Variants in TMEM252 observed in about 807,000 individuals in gnomAD.
TMEM252 encodes transmembrane protein 252.
A neutral mutation model predicts 6.4 loss-of-function variants in TMEM252; 4 were observed. That is an observed-to-expected ratio of 0.62 (90% confidence interval 0.31 to 1.43). The LOEUF (loss-of-function observed/expected upper bound fraction) is 1.43. TMEM252 is among the 40% of genes most tolerant of loss of function. TMEM252 has a pLI of 0.07. For missense variants in TMEM252, 207 were observed against 209.4 expected (o/e 0.99, Z 0.07); for synonymous variants, 85 against 82.5 (o/e 1.03, Z -0.17).
rs772564259 is a variant in TMEM252 at position 68,537,362 on chromosome 9, T to G, written c.410A>C (p.Asn137Thr). 1 of 1,607,948 alleles carries G rather than the reference T, an allele frequency of 6.2e-7. No individual in the cohort carries two copies. The highest frequency in any genetic ancestry group is 1.1e-5 in the South Asian group (1 of 90,084). Reference sequence around the variant, plus strand: ...TGGTGGGGCCTCTGGGTGGGAGTCATTTCCATCCTGGAATTCCAGGCCCGT... The same window carrying G: ...TGGTGGGGCCTCTGGGTGGGAGTCAGTTCCATCCTGGAATTCCAGGCCCGT... ...TETGLEFQDG[N>T]DSHPEAPPSY... is the part of the protein sequence containing the mutation. The change falls in exon 2 of 2, where the codon AAT (asparagine) becomes ACT (threonine). Residue 137 changes from asparagine to threonine, a missense_variant. By Grantham distance (65) the Asn-to-Thr change is moderately conservative. Transcript: ENST00000377311.
chr9:68,540,451 T>C, intron 1 of TMEM252, 86 bp downstream of exon 1: 1 of 1,564,114 alleles, frequency 6.4e-7, no homozygotes, highest in African/African-American at 1.4e-5. Flanking sequence ...TGTAAGTCGC[T>C]CCATAGTAGG....
intron 1 of TMEM252, among the ~76,000 whole-genome samples, chr9:68,538,768 G>A (rs894944319): frequency 2.0e-5 from 3 of 152,206 alleles, no homozygotes; most frequent in African/African-American, 4.8e-5. Context: ...TACATGCAGC[G>A]AGAAGAGGCA....
At chr9:68,537,578 T>C in intron 1 of TMEM252, 85 bp from the exon 2 acceptor site, 3 of 1,049,302 alleles carry the variant, frequency 2.9e-6, no homozygotes, top group Non-Finnish European at 2.8e-6. Context: ...TCAGCTCAAA[T>C]TGTGCGAAGC....
intron 1 of TMEM252, 65 bp from the exon 2 acceptor site, chr9:68,537,558 G>A: frequency 1.6e-6 from 2 of 1,271,898 alleles, no homozygotes; most frequent in Non-Finnish European, 2.2e-6. Context: ...GAGGCAGACG[G>A]CTGCCTCTCT....
chr9:68,537,587 G>A lies in TMEM252; in HGVS notation c.279-94C>T, dbSNP rs571817512. On this transcript the variant is annotated intron_variant, in intron 1 of 1. Transcript: ENST00000377311. ...CCTCTCTCAGCTCAAATTGTGCGAA[G>A]CTAAACTGTTAAGAAACATGGATTT... 108 of 939,944 alleles carry A rather than the reference G, an allele frequency of 1.1e-4. No homozygotes were observed. In the African/African-American group the frequency reaches 1.5e-3, roughly 13 times the overall value. 58.2% of individuals were successfully genotyped at this position (939,944 alleles called of 1,614,324 possible). A position where few individuals can be genotyped will look rare whatever the true frequency, so the allele number is the denominator to read the frequency against.
rs1461511463 is a variant in TMEM252 at position 68,536,592 on chromosome 9, G to C, written c.*667C>G. On this transcript the variant is annotated 3_prime_UTR_variant, in exon 2 of 2. Coordinates refer to ENST00000377311, the MANE Select transcript of TMEM252 (RefSeq NM_153237.2). Reference sequence around the variant, plus strand: ...GTTTAAGGACCTCTTTTAAGAAACAGCTCATTTAATATTTTGTGTTTGAAC... The same window carrying C: ...GTTTAAGGACCTCTTTTAAGAAACACCTCATTTAATATTTTGTGTTTGAAC... The C allele has an allele frequency of 1.3e-5, 2 of 152,130 alleles. No individual in the cohort carries two copies. The highest frequency in any genetic ancestry group is 2.9e-5 in the Non-Finnish European group (2 of 68,008). 9.4% of individuals were successfully genotyped at this position (152,130 alleles called of 1,614,324 possible).
chr9:68,539,470 C>CT (rs1157326996), intron 1 of TMEM252, among the ~76,000 whole-genome samples: 4 of 152,222 alleles, frequency 2.6e-5, no homozygotes, highest in Non-Finnish European at 4.4e-5. Flanking sequence ...CCACCAGCCC[C>CT]TGGGACCACT....
At chr9:68,538,895 C>G (rs1825171876) in intron 1 of TMEM252, among the ~76,000 whole-genome samples, 1 of 152,162 alleles carries the variant, frequency 6.6e-6, no homozygotes, top group Admixed American at 6.5e-5. Context: ...TTACATTTAT[C>G]AGAAATTCAC....
intron 1 of TMEM252, among the ~76,000 whole-genome samples, chr9:68,539,563 A>C (rs1825179010): frequency 6.6e-6 from 1 of 152,194 alleles, no homozygotes; most frequent in Non-Finnish European, 1.5e-5. Flanking sequence ...TTTGTAACTG[A>C]CTTGTTTCAC....
chr9:68,540,461 G>C (rs1161287417), intron 1 of TMEM252, 76 bp downstream of exon 1: 1 of 1,582,562 alleles, frequency 6.3e-7, no homozygotes, highest in African/African-American at 1.3e-5. Context: ...TCCATAGTAG[G>C]ATCAGAAATT....
intron 1 of TMEM252, among the ~76,000 whole-genome samples, chr9:68,539,540 A>C (rs1037111450): frequency 6.6e-6 from 1 of 152,214 alleles, no homozygotes; most frequent in African/African-American, 2.4e-5. Context: ...GTGGAATTAT[A>C]CAATATTTGC....
chr9:68,537,440 C>A lies in TMEM252; in HGVS notation c.332G>T (p.Ser111Ile). Residue 111 changes from serine to isoleucine, a missense_variant, in exon 2 of 2, where the codon AGC (serine) becomes ATC (isoleucine). Ser to Ile is a moderately radical substitution (Grantham distance 142). Coordinates refer to ENST00000377311, the MANE Select transcript of TMEM252 (RefSeq NM_153237.2). ...AGAGGCCTCTCTCTCTGCAGGACAGCTCTGCTTTTCCACCTCAAGGCTCTC... is the reference window on the plus strand; with the variant it reads ...AGAGGCCTCTCTCTCTGCAGGACAGATCTGCTTTTCCACCTCAAGGCTCTC... The part of the protein sequence containing the change: ...YEESLEVEKQ[S>I]CPAEREASGI... 1 of 1,603,920 alleles carries A rather than the reference C, an allele frequency of 6.2e-7. No individual in the cohort carries two copies.
intron 1 of TMEM252, 70 bp from the exon 2 acceptor site, chr9:68,537,563 C>T: frequency 8.3e-7 from 1 of 1,209,684 alleles, no homozygotes; most frequent in Non-Finnish European, 1.2e-6. Context: ...AGACGGCTGC[C>T]TCTCTCAGCT....
chr9:68,540,446 G>A lies in TMEM252; in HGVS notation c.278+91C>T. On this transcript the variant is annotated intron_variant, in intron 1 of 1. Transcript: ENST00000377311. Reference sequence around the variant, plus strand: ...GACAGACAGCCCATGGGACATGTAAGTCGCTCCATAGTAGGATCAGAAATT... The same window carrying A: ...GACAGACAGCCCATGGGACATGTAAATCGCTCCATAGTAGGATCAGAAATT... 3.2e-6 allele frequency: 5 copies of A among 1,545,320 alleles called. No individual in the cohort carries two copies. In the South Asian group the frequency reaches 4.8e-5, roughly 15 times the overall value.
chr9:68,537,284 G>C lies in TMEM252; in HGVS notation c.488C>G (p.Ala163Gly). ...TCAGCACTCTTGGCCTCGCCTCTGG[G>C]CGTCCTCTGAGATTGCTGTCACCAC... is the stretch of plus-strand genomic sequence containing the variant. ...GLVVTAISEDAQRRGQEC is the reference protein window; with the variant it reads ...GLVVTAISEDGQRRGQEC The change falls in exon 2 of 2, where the codon GCC becomes GGC. Residue 163 changes from alanine (A) to glycine (G), a missense_variant. Physicochemically the swap from Ala to Gly is moderately conservative, Grantham distance 60. Transcript: ENST00000377311. 1 of 1,602,638 alleles carries C rather than the reference G, an allele frequency of 6.2e-7. No individual in the cohort carries two copies. Among genetic ancestry groups the C allele is most frequent in the Non-Finnish European group, 8.5e-7 (1 of 1,176,430 alleles).
chr9:68,540,617 C>A lies in TMEM252; in HGVS notation c.198G>T (p.Val66=). 6.2e-7 allele frequency: 1 copy of A among 1,614,190 alleles called. No homozygotes were observed. The highest frequency in any genetic ancestry group is 1.1e-5 in the South Asian group (1 of 91,074). The change falls in exon 1 of 2, where the codon GTG becomes GTT. Residue 66 remains valine, a synonymous_variant. Transcript: ENST00000377311. The part of the protein sequence containing the change: ...SGIFWSNYRQ[V]TESKGVLRHM... ...GCCTCAACACTCCTTTGCTTTCAGT[C>A]ACCTGGCGATAGTTGCTCCAGAAAA... is the stretch of plus-strand genomic sequence containing the variant.
At chr9:68,537,891 A>G (rs1386140460) in intron 1 of TMEM252, among the ~76,000 whole-genome samples, 2 of 152,202 alleles carry the variant, frequency 1.3e-5, no homozygotes, top group Non-Finnish European at 2.9e-5. Context: ...CCTTTCTCGC[A>G]TGGCATCATC....
chr9:68,537,026 G>A lies in TMEM252; in HGVS notation c.*233C>T. The stretch of plus-strand genomic sequence containing the variant: ...AAGGCCAGCCGGGGTTAAGATTAGT[G>A]TGAATGCTCTGAAATGTCTGCTTGG... On this transcript the variant is annotated 3_prime_UTR_variant, in exon 2 of 2. Coordinates refer to ENST00000377311, the MANE Select transcript of TMEM252 (RefSeq NM_153237.2). The A allele has an allele frequency of 2.1e-6, 1 of 481,132 alleles. No homozygotes were observed. Among genetic ancestry groups the A allele is most frequent in the East Asian group, 4.0e-5 (1 of 25,106 alleles). The allele number at this position is 481,132 out of a possible 1,614,324, so 29.8% of individuals were successfully genotyped here.
intron 1 of TMEM252, among the ~76,000 whole-genome samples, chr9:68,538,242 G>A (rs1411995906): frequency 6.6e-6 from 1 of 152,190 alleles, no homozygotes; most frequent in Admixed American, 6.5e-5. Context: ...GGGGGAAGGG[G>A]AGAGGGGAGG....
Sources: allele counts gnomAD v4.1 joint callset (sites outside exome capture counted in the v4.1 genomes callset), GRCh38; gene constraint gnomAD v4.1.1; transcripts MANE v1.5; gene names NCBI Gene and HGNC (gene_info 2026-07-23, HGNC 2026-07-21).